CASK: variants seen among roughly 807,000 people sequenced by gnomAD.
The protein encoded by CASK is calcium/calmodulin dependent serine protein kinase.
CASK carries 4 observed loss-of-function variants against 82.9 expected under a neutral mutation model. The observed-to-expected ratio is 0.05, with a 90% confidence interval of 0.02 to 0.11. The LOEUF is 0.11. CASK is among the 10% of genes least tolerant of loss of function. The probability of loss-of-function intolerance (pLI) is 1.00; values close to 1 mark genes in which losing one functional copy is unlikely to be tolerated. For synonymous variants in CASK, 259 were observed against 253.5 expected (o/e 1.02, Z -0.20); for missense variants, 358 against 720.9 (o/e 0.50, Z 5.76).
At chrX:41,676,872 T>C (rs958556386) in intron 5 of CASK, among the ~76,000 whole-genome samples, 3 of 112,266 alleles carry the variant, frequency 2.7e-5, no homozygotes, top group African/African-American at 9.7e-5. Flanking sequence ...CTGACAGGAA[T>C]TGCTACTGGA....
intron 5 of CASK, among the ~76,000 whole-genome samples, chrX:41,715,643 C>T (rs2068049654): frequency 9.2e-6 from 1 of 108,857 alleles, no homozygotes. Flanking sequence ...AAAAAAAGAT[C>T]CTGGTTCAGA....
chrX:41,644,380 T>A lies in CASK; in HGVS notation c.832-7719A>T, dbSNP rs147267368. ...TACTGCAATCTTTAAACATAAATTG[T>A]AAAGATTTCATAGACACTTATCACT... On this transcript the variant is annotated intron_variant, in intron 8 of 26. Transcript: ENST00000378163. 8.4e-3 allele frequency among the ~76,000 whole-genome samples: 939 copies of A among 112,416 alleles called. 6 individuals carry two copies. The highest frequency in any genetic ancestry group is 0.029 in the African/African-American group (895 of 30,999).
chrX:41,561,507 G>T, intron 17 of CASK, 52 bp downstream of exon 17: 2 of 842,324 alleles, frequency 2.4e-6, no homozygotes, highest in Admixed American at 4.6e-5. Flanking sequence ...TTAAAAACAA[G>T]CTAACAAAGT....
At chrX:41,777,919 G>A (rs1290912987) in intron 3 of CASK, among the ~76,000 whole-genome samples, 1 of 111,606 alleles carries the variant, frequency 9.0e-6, no homozygotes, top group Non-Finnish European at 1.9e-5. Flanking sequence ...AAGTAATTAT[G>A]TACAAGATAT....
chrX:41,695,667 T>C, intron 5 of CASK: 1 of 1,204,269 alleles, frequency 8.3e-7, no homozygotes, highest in South Asian at 1.8e-5. Context: ...GACGACAACT[T>C]CAGTCAGCAG....
chrX:41,885,617 C>A (rs2072034503), intron 1 of CASK, among the ~76,000 whole-genome samples: 1 of 112,036 alleles, frequency 8.9e-6, no homozygotes, highest in African/African-American at 3.2e-5. Context: ...TTATTCCTCA[C>A]AATTAGCATA....
chrX:41,919,974 A>G (rs1159609165), intron 1 of CASK, among the ~76,000 whole-genome samples: 3 of 111,945 alleles, frequency 2.7e-5, no homozygotes, highest in African/African-American at 6.5e-5. Flanking sequence ...ACCAAGGGGG[A>G]AAAAAACACA....
intron 2 of CASK, chrX:41,790,131 TTTCA>T (rs1368893118): frequency 1.3e-6 from 1 of 753,939 alleles, no homozygotes; most frequent in East Asian, 8.9e-5. Context: ...TTTTTTTTTC[TTTCA>T]GAAGCAAACC....
chrX:41,778,845 A>G (rs1355896548), intron 3 of CASK, among the ~76,000 whole-genome samples: 1 of 109,629 alleles, frequency 9.1e-6, no homozygotes, highest in Non-Finnish European at 1.9e-5. Flanking sequence ...TATAAAAATG[A>G]TACTGTATTT....
intron 1 of CASK, among the ~76,000 whole-genome samples, chrX:41,879,604 T>C (rs1209404823): frequency 1.8e-5 from 2 of 111,424 alleles, no homozygotes; most frequent in Non-Finnish European, 3.8e-5. Context: ...ATGATGACTT[T>C]GTTACTTTGA....
intron 2 of CASK, among the ~76,000 whole-genome samples, chrX:41,834,401 T>C (rs1334181666): frequency 8.9e-6 from 1 of 112,090 alleles, no homozygotes; most frequent in Non-Finnish European, 1.9e-5. Flanking sequence ...AGAGTATATA[T>C]AGAAGTAAGA....
intron 3 of CASK, among the ~76,000 whole-genome samples, chrX:41,761,642 T>C (rs1228917904): frequency 3.6e-5 from 4 of 112,097 alleles, no homozygotes; most frequent in Non-Finnish European, 7.5e-5. Context: ...CAAGATTAAA[T>C]TGTTCCAACT....
chrX:41,848,019 A>G (rs945936903), intron 2 of CASK, among the ~76,000 whole-genome samples: 2 of 112,490 alleles, frequency 1.8e-5, no homozygotes, highest in Admixed American at 1.9e-4. Flanking sequence ...TCTAGAGAAT[A>G]CGTTGTAGCT....
At chrX:41,560,399 G>A (rs2065211721) in intron 17 of CASK, among the ~76,000 whole-genome samples, 1 of 107,747 alleles carries the variant, frequency 9.3e-6, no homozygotes, top group Non-Finnish European at 1.9e-5. Flanking sequence ...GGGTAGCTGG[G>A]ATTATAGGCA....
chrX:41,625,811 G>T lies in CASK; in HGVS notation c.1015+793C>A. ...TTTTCTTTTTTTGAGATGGAGTCTC[G>T]CATTATCGCCCAGGCTGGAGTGCAG... On this transcript the variant is annotated intron_variant, in intron 10 of 26. Transcript: ENST00000378163. 1.9e-5 allele frequency among the ~76,000 whole-genome samples: 2 copies of T among 107,688 alleles called. 1 individual carries two copies. Among genetic ancestry groups the T allele is most frequent in the Non-Finnish European group, 3.9e-5 (2 of 51,795 alleles). 93.5% of individuals were successfully genotyped at this position (107,688 alleles called of 115,157 possible).
intron 5 of CASK, among the ~76,000 whole-genome samples, chrX:41,705,820 A>T (rs1023717041): frequency 9.0e-6 from 1 of 111,648 alleles, no homozygotes; most frequent in Non-Finnish European, 1.9e-5. Flanking sequence ...GGCCCTTTGC[A>T]GACAGTTCCT....
intron 2 of CASK, among the ~76,000 whole-genome samples, chrX:41,839,010 G>T (rs750461214): frequency 3.6e-5 from 4 of 111,375 alleles, no homozygotes; most frequent in African/African-American, 1.3e-4. Flanking sequence ...ATCAAGCTAC[G>T]TGTCTATCTC....
chrX:41,855,481 A>G (rs2071350506), intron 1 of CASK, among the ~76,000 whole-genome samples: 1 of 111,749 alleles, frequency 8.9e-6, no homozygotes, highest in African/African-American at 3.3e-5. Context: ...CTCAGCAGAA[A>G]CTGATAAAAA....
intron 9 of CASK, chrX:41,635,889 C>CGT (rs2066544089): frequency 2.1e-5 from 1 of 48,592 alleles, no homozygotes; most frequent in Non-Finnish European, 3.7e-5. Context: ...AGTTCCAATT[C>CGT]TTTTTTTTTT....
Sources: allele counts gnomAD v4.1 joint callset (sites outside exome capture counted in the v4.1 genomes callset), GRCh38; gene constraint gnomAD v4.1.1; transcripts MANE v1.5; gene names NCBI Gene and HGNC (gene_info 2026-07-23, HGNC 2026-07-21).